The following IGLL5 variants were observed in gnomAD, a reference collection of about 807,000 sequenced individuals.
IGLL5 encodes the protein immunoglobulin lambda-like polypeptide 5.
In IGLL5, 30 loss-of-function variants were observed where a neutral mutation model predicts 20.9. The observed-to-expected ratio is 1.44, with a 90% CI of 1.07 to 1.95. IGLL5 has a LOEUF of 1.95. IGLL5 is among the 30% of genes most tolerant of loss of function. The pLI, the probability that IGLL5 is intolerant of heterozygous loss-of-function variation, is 0.00. For missense variants in IGLL5, 475 were observed against 270.7 expected (o/e 1.75, Z -5.30); for synonymous variants, 203 against 117.3 (o/e 1.73, Z -4.72).
chr22:22,894,152 A>T (rs565255335), intron 2 of IGLL5, among the ~76,000 whole-genome samples: 2 of 151,466 alleles, frequency 1.3e-5, no homozygotes, highest in African/African-American at 2.4e-5. Flanking sequence ...GACATTGCCC[A>T]GTGACTCCTG....
intron 1 of IGLL5, among the ~76,000 whole-genome samples, chr22:22,888,947 G>A (rs565169656): frequency 5.9e-5 from 9 of 151,334 alleles, no homozygotes; most frequent in East Asian, 4.1e-4. Context: ...AAAAGACAGA[G>A]CAGCGTCAGA....
At chr22:22,889,372 C>T (rs2067712736) in intron 1 of IGLL5, among the ~76,000 whole-genome samples, 1 of 151,206 alleles carries the variant, frequency 6.6e-6, no homozygotes, top group African/African-American at 2.4e-5. Flanking sequence ...ATTTTAGCAA[C>T]AGGCGGCGAG....
Position 22,895,922 on chromosome 22 carries a change from G to A in IGLL5, c.*228G>A. 3 of 606,038 alleles carry A rather than the reference G, an allele frequency of 5.0e-6. No homozygotes were observed. Among genetic ancestry groups the A allele is most frequent in the South Asian group, 2.0e-5 (1 of 50,100 alleles). The allele number at this position is 606,038 out of a possible 1,614,324, so 37.5% of individuals were successfully genotyped here. A position where few individuals can be genotyped will look rare whatever the true frequency, so the allele number is the denominator to read the frequency against. ...GGGTACAGGGAATTCTGCACCCAGT[G>A]TGAAAATCACCCAAGGGAGGAGGCT... On this transcript the variant is annotated 3_prime_UTR_variant, in exon 3 of 3. Coordinates refer to ENST00000526893, the MANE Select transcript of IGLL5 (RefSeq NM_001178126.2).
intron 1 of IGLL5, among the ~76,000 whole-genome samples, chr22:22,890,153 CT>C (rs1208985489): frequency 7.0e-6 from 1 of 143,492 alleles, no homozygotes; most frequent in East Asian, 2.2e-4. Context: ...GTACATTACT[CT>C]TTTTTCTTGC....
At chr22:22,893,962 T>A (rs999184836) in intron 2 of IGLL5, 144 bp downstream of exon 2, 10 of 693,032 alleles carry the variant, frequency 1.4e-5, no homozygotes, top group Middle Eastern at 2.5e-4. Flanking sequence ...CTGGAGGAGG[T>A]GCATTAGTCT....
At position 22,887,830 on chromosome 22, in the gene IGLL5, G is replaced by A. The variant is rs2067550672; in HGVS notation, c.-224G>A. 2 of 602,376 alleles carry A rather than the reference G, an allele frequency of 3.3e-6. No individual in the cohort carries two copies. Among genetic ancestry groups the A allele is most frequent in the African/African-American group, 3.7e-5 (2 of 53,864 alleles). 37.3% of individuals were successfully genotyped at this position (602,376 alleles called of 1,614,324 possible). ...AGCCCTGGATTGTGACCGCTTCAGG[G>A]CAGTTGGTAGATGCCCCTCTGGGAG... On this transcript the variant is annotated 5_prime_UTR_variant, in exon 1 of 3. Transcript: ENST00000526893.
rs946784266 is a variant in IGLL5, at chr22:22,894,008, G to C, written c.325+190G>C. 8.0e-5 allele frequency among the ~76,000 whole-genome samples: 12 copies of C among 149,656 alleles called. 1 individual carries two copies. The highest frequency in any genetic ancestry group is 2.7e-4 in the Admixed American group (4 of 15,042). ...GGCAGGAAGGGCCTCCACAGTGGGA[G>C]CAGCCGGATGCAGCCTGGTCCCGGG... On this transcript the variant is annotated intron_variant, in intron 2 of 2. Transcript: ENST00000526893.
At chr22:22,888,944 A>T (rs2067667557) in intron 1 of IGLL5, among the ~76,000 whole-genome samples, 1 of 151,268 alleles carries the variant, frequency 6.6e-6, no homozygotes, top group Admixed American at 6.6e-5. Context: ...CCCAAAAGAC[A>T]GAGCAGCGTC....
chr22:22,889,076 T>A (rs576978692), intron 1 of IGLL5, among the ~76,000 whole-genome samples: 7 of 151,120 alleles, frequency 4.6e-5, no homozygotes, highest in Middle Eastern at 3.7e-3. Context: ...TGGATTTAGG[T>A]AGATTGATTA....
At chr22:22,889,780 A>G (rs766480485) in intron 1 of IGLL5, among the ~76,000 whole-genome samples, 1 of 151,242 alleles carries the variant, frequency 6.6e-6, no homozygotes, top group Non-Finnish European at 1.5e-5. Flanking sequence ...TTATTAGTTT[A>G]GAGACAGAGC....
rs181522466 is a variant in IGLL5 at position 22,895,864 on chromosome 22, T to G, written c.*170T>G. 2.8e-6 allele frequency: 2 copies of G among 722,478 alleles called. No individual in the cohort carries two copies. The highest frequency in any genetic ancestry group is 4.7e-6 in the Non-Finnish European group (2 of 423,336). The allele number at this position is 722,478 out of a possible 1,614,324, so 44.8% of individuals were successfully genotyped here. On this transcript the variant is annotated 3_prime_UTR_variant, in exon 3 of 3. Transcript: ENST00000526893. ...GTTTTATCTCATTTTTTTTCTCACA[T>G]AAATTGCTAGCCTCCCCGGGGTTCT...
chr22:22,894,838 A>G (rs557214013), intron 2 of IGLL5, among the ~76,000 whole-genome samples: 3 of 151,356 alleles, frequency 2.0e-5, no homozygotes, highest in East Asian at 2.0e-4. Flanking sequence ...AGGAGAGCCA[A>G]GTGGGCTGGG....
chr22:22,893,545 A>AAGAC, intron 1 of IGLL5, 155 bp from the exon 2 acceptor site: 1 of 601,618 alleles, frequency 1.7e-6, no homozygotes, highest in Non-Finnish European at 3.0e-6. Flanking sequence ...TCAGAGAGGA[A>AAGAC]AGACACACAC....
rs188930549 is a variant in IGLL5 at position 22,888,181 on chromosome 22, T to C, written c.128T>C (p.Val43Ala). The C allele has an allele frequency of 1.0e-5, 16 of 1,548,794 alleles. 1 individual carries two copies. The highest frequency in any genetic ancestry group is 3.6e-5 in the South Asian group (3 of 83,956). ...GCCCATGGCCTGCTGCGCCCAATGGTTGCACCGCAAAGCGGGGACCCAGAC... is the reference window on the plus strand; with the variant it reads ...GCCCATGGCCTGCTGCGCCCAATGGCTGCACCGCAAAGCGGGGACCCAGAC... Reference protein sequence around the residue: ...MVAHGLLRPMVAPQSGDPDPG... With the variant: ...MVAHGLLRPMAAPQSGDPDPG... Residue 43 changes from valine (V) to alanine (A), a missense_variant, in exon 1 of 3, where the codon GTT becomes GCT. Val to Ala is a moderately conservative substitution (Grantham distance 64). Transcript: ENST00000526893.
chr22:22,888,452 T>C (rs113893001), intron 1 of IGLL5, among the ~76,000 whole-genome samples, 193 bp downstream of exon 1: 14 of 151,304 alleles, frequency 9.3e-5, no homozygotes, highest in South Asian at 2.1e-4. Flanking sequence ...TTTAATATCA[T>C]ATTACGATAT....
intron 2 of IGLL5, among the ~76,000 whole-genome samples, chr22:22,894,716 C>T (rs1044734854): frequency 5.3e-5 from 8 of 151,354 alleles, no homozygotes; most frequent in Middle Eastern, 3.8e-3. Flanking sequence ...GTGGGAGCAG[C>T]CCCAGGAACA....
chr22:22,890,322 C>CACACAT (rs1479991706), intron 1 of IGLL5, among the ~76,000 whole-genome samples: 1 of 136,260 alleles, frequency 7.3e-6, no homozygotes, highest in African/African-American at 3.0e-5. Context: ...AACACACACA[C>CACACAT]ACACACACAC....
chr22:22,888,070 G>T lies in IGLL5; in HGVS notation c.17G>T (p.Gly6Val). 6.5e-7 allele frequency: 1 copy of T among 1,549,242 alleles called. No individual in the cohort carries two copies. The highest frequency in any genetic ancestry group is 2.5e-5 in the East Asian group (1 of 40,648). The change falls in exon 1 of 3, where the codon GGC (glycine) becomes GTC (valine). Residue 6 changes from glycine to valine, a missense_variant. By Grantham distance (109) the Gly-to-Val change is moderately radical. Coordinates refer to ENST00000526893, the MANE Select transcript of IGLL5 (RefSeq NM_001178126.2). ...TGAAGGCCAATGAGACCCAAGACAG[G>T]CCAAGTGGGTTGTGAGACCCCTGAG... The part of the protein sequence containing the change: MRPKT[G>V]QVGCETPEEL...
chr22:22,893,418 G>A (rs2146024321), intron 1 of IGLL5, among the ~76,000 whole-genome samples: 1 of 151,220 alleles, frequency 6.6e-6, no homozygotes, highest in Admixed American at 6.6e-5. Flanking sequence ...GCCAGACGAG[G>A]TTGGACAGGT....
Sources: allele counts gnomAD v4.1 joint callset (sites outside exome capture counted in the v4.1 genomes callset), GRCh38; gene constraint gnomAD v4.1.1; transcripts MANE v1.5; gene names NCBI Gene and HGNC (gene_info 2026-07-23, HGNC 2026-07-21).